CSMD1: variants seen among roughly 807,000 people sequenced by gnomAD.
The protein encoded by CSMD1 is CUB and Sushi multiple domains 1.
Under a neutral mutation model 417.5 loss-of-function variants are expected in CSMD1, and 213 were observed. That is an observed-to-expected ratio of 0.51 (90% CI 0.46 to 0.57). The LOEUF is 0.57. Among genes scored for constraint, CSMD1 ranks in the 20% least tolerant of loss-of-function variants. The pLI is 0.00. For missense variants in CSMD1, 6,923 were observed against 4,529.7 expected, an observed-to-expected ratio of 1.53 and a Z score of -15.17; for synonymous variants, 2,862 against 1,736.8, an observed-to-expected ratio of 1.65 and a Z score of -16.11.
intron 3 of CSMD1, among the ~76,000 whole-genome samples, chr8:4,224,259 T>G (rs541445602): frequency 6.6e-6 from 1 of 152,194 alleles, no homozygotes; most frequent in Non-Finnish European, 1.5e-5. Flanking sequence ...TTGAAAATGC[T>G]TGCACACGTT....
intron 5 of CSMD1, among the ~76,000 whole-genome samples, chr8:3,988,666 T>A (rs1044586669): frequency 6.6e-6 from 1 of 152,240 alleles, no homozygotes; most frequent in African/African-American, 2.4e-5. Context: ...TCCACTGTTA[T>A]CACATTTCAT....
At chr8:3,129,135 C>A (rs1454674413) in intron 41 of CSMD1, among the ~76,000 whole-genome samples, 1 of 152,142 alleles carries the variant, frequency 6.6e-6, no homozygotes. Flanking sequence ...GTCAGGCCCA[C>A]TTTGCCAGGG....
chr8:3,355,677 C>T (rs1808733238), intron 21 of CSMD1, among the ~76,000 whole-genome samples: 1 of 152,172 alleles, frequency 6.6e-6, no homozygotes, highest in African/African-American at 2.4e-5. Flanking sequence ...ACTGGCAAAA[C>T]TGAGAGATGC....
At chr8:4,489,977 A>G (rs1194241159) in intron 2 of CSMD1, among the ~76,000 whole-genome samples, 3 of 151,602 alleles carry the variant, frequency 2.0e-5, no homozygotes, top group Non-Finnish European at 4.4e-5. Flanking sequence ...GTGAATGCCA[A>G]TTGCCTTTGC....
intron 3 of CSMD1, among the ~76,000 whole-genome samples, chr8:4,393,996 C>T (rs116993810): frequency 6.6e-6 from 1 of 152,162 alleles, no homozygotes; most frequent in East Asian, 1.9e-4. Flanking sequence ...CGTAATAGAG[C>T]AACACATATA....
chr8:4,939,130 C>T (rs1201319117), intron 1 of CSMD1, among the ~76,000 whole-genome samples: 1 of 152,120 alleles, frequency 6.6e-6, no homozygotes. Context: ...TGTGCAGAAG[C>T]TTTTTAGTTT....
At chr8:4,379,641 A>C (rs1420460704) in intron 3 of CSMD1, among the ~76,000 whole-genome samples, 2 of 152,226 alleles carry the variant, frequency 1.3e-5, no homozygotes, top group East Asian at 3.8e-4. Flanking sequence ...CACCAAAATG[A>C]GTCTGCTGGA....
At chr8:3,240,321 T>C (rs970650349) in intron 26 of CSMD1, among the ~76,000 whole-genome samples, 3 of 152,004 alleles carry the variant, frequency 2.0e-5, no homozygotes, top group African/African-American at 7.2e-5. Flanking sequence ...TTAGGATCTA[T>C]GGGGTCAGCA....
At chr8:4,416,460 T>G (rs1403537294) in intron 3 of CSMD1, among the ~76,000 whole-genome samples, 1 of 151,084 alleles carries the variant, frequency 6.6e-6, no homozygotes, top group East Asian at 1.9e-4. Flanking sequence ...ATATTCATAA[T>G]AAACACGTGC....
At chr8:4,675,047 G>A (rs576482908) in intron 1 of CSMD1, among the ~76,000 whole-genome samples, 81 of 152,292 alleles carry the variant, frequency 5.3e-4, no homozygotes, top group African/African-American at 1.2e-3. Flanking sequence ...AGTGTTGGAC[G>A]CACAGGGCTC....
chr8:4,406,720 A>T (rs1399738085), intron 3 of CSMD1, among the ~76,000 whole-genome samples: 1 of 152,238 alleles, frequency 6.6e-6, no homozygotes, highest in South Asian at 2.1e-4. Context: ...TGTGATGTCC[A>T]AATGATACCA....
intron 7 of CSMD1, among the ~76,000 whole-genome samples, chr8:3,631,927 A>C (rs1377826580): frequency 6.6e-6 from 1 of 152,232 alleles, no homozygotes; most frequent in Non-Finnish European, 1.5e-5. Flanking sequence ...CCCCCAGATC[A>C]CTGCCTCTTT....
intron 2 of CSMD1, among the ~76,000 whole-genome samples, chr8:4,484,655 C>A (rs183967360): frequency 6.6e-6 from 1 of 151,896 alleles, no homozygotes; most frequent in African/African-American, 2.4e-5. Context: ...CCTGCATGGT[C>A]CCTACCTGGG....
chr8:4,369,433 G>C (rs773449629), intron 3 of CSMD1, among the ~76,000 whole-genome samples: 1 of 152,162 alleles, frequency 6.6e-6, no homozygotes, highest in Non-Finnish European at 1.5e-5. Flanking sequence ...GTTGGGTGGA[G>C]TGTTTTATAG....
chr8:3,110,470 C>G (rs1015889736), intron 42 of CSMD1, 135 bp from the exon 43 acceptor site: 1 of 681,084 alleles, frequency 1.5e-6, no homozygotes, highest in Non-Finnish European at 2.2e-6. Context: ...TCTGAATCAC[C>G]ATTTTGTCAA....
At position 4,746,138 on chromosome 8, in the gene CSMD1, G is replaced by A. The variant is rs562509210; in HGVS notation, c.86-108580C>T. ...CTGCTGTTAAATTAAGCCCTCTTTG[G>A]GCCCTGTTTCTTGGGCTTTGCACCT... is the stretch of plus-strand genomic sequence containing the variant. On this transcript the variant is annotated intron_variant, in intron 1 of 69. Transcript: ENST00000635120. Among the ~76,000 whole-genome samples, 17 of 152,148 alleles carry A rather than the reference G, an allele frequency of 1.1e-4. No individual in the cohort carries two copies. The South Asian group carries it at 3.3e-3, about 30-fold the overall frequency.
At chr8:3,250,159 T>G (rs1173407562) in intron 26 of CSMD1, among the ~76,000 whole-genome samples, 1 of 152,200 alleles carries the variant, frequency 6.6e-6, no homozygotes, top group Admixed American at 6.5e-5. Flanking sequence ...GTACACCCAT[T>G]AAGTCGTCAT....
At chr8:4,908,578 A>T (rs1805457768) in intron 1 of CSMD1, among the ~76,000 whole-genome samples, 1 of 150,438 alleles carries the variant, frequency 6.6e-6, no homozygotes, top group Admixed American at 6.7e-5. Context: ...TTTCATTTCA[A>T]TGTAGAGAGT....
rs190712514 is a variant in CSMD1 at position 3,569,292 on chromosome 8, T to G, written c.1344+5653A>C. Among the ~76,000 whole-genome samples, 9 of 152,306 alleles carry G rather than the reference T, an allele frequency of 5.9e-5. No individual in the cohort carries two copies. In the East Asian group the frequency reaches 1.7e-3, roughly 29 times the overall value. ...TAGCATGATAACATGTGATGTGCAT[T>G]ATTAGGGAGATGCTAAGATTCCGCA... On this transcript the variant is annotated intron_variant, in intron 10 of 69. Coordinates refer to ENST00000635120, the MANE Select transcript of CSMD1 (RefSeq NM_033225.6).
Sources: allele counts gnomAD v4.1 joint callset (sites outside exome capture counted in the v4.1 genomes callset), GRCh38; gene constraint gnomAD v4.1.1; transcripts MANE v1.5; gene names NCBI Gene and HGNC (gene_info 2026-07-23, HGNC 2026-07-21).